POU6F2: variants seen among roughly 807,000 people sequenced by gnomAD.
POU6F2 encodes the protein POU class 6 homeobox 2.
POU6F2 carries 31 observed loss-of-function variants against 71.3 expected under a neutral mutation model. The ratio of observed to expected loss-of-function variants is 0.43; its 90% CI spans 0.33 to 0.59. POU6F2 has a LOEUF of 0.59. POU6F2 is among the 20% of genes least tolerant of loss of function. POU6F2 has a pLI of 0.04. For missense variants in POU6F2, 783 were observed against 856.8 expected (o/e 0.91, Z 1.07); for synonymous variants, 347 against 355.7 (o/e 0.98, Z 0.27).
intron 1 of POU6F2, among the ~76,000 whole-genome samples, chr7:38,983,469 T>C (rs1487001422): frequency 6.6e-6 from 1 of 151,912 alleles, no homozygotes; most frequent in Non-Finnish European, 1.5e-5. Flanking sequence ...TGTTAGCCTA[T>C]GTAAATTGCT....
intron 4 of POU6F2, among the ~76,000 whole-genome samples, chr7:39,211,425 C>T (rs1794141053): frequency 6.6e-6 from 1 of 152,162 alleles, no homozygotes; most frequent in African/African-American, 2.4e-5. Flanking sequence ...TCCTCAAGAC[C>T]AAGGGAAGTT....
chr7:39,046,911 T>G (rs1382382938), intron 1 of POU6F2, among the ~76,000 whole-genome samples: 4 of 151,922 alleles, frequency 2.6e-5, no homozygotes, highest in Non-Finnish European at 5.9e-5. Context: ...TCTTTTTTTC[T>G]TTCATATGAA....
At position 39,451,527 on chromosome 7, in the gene POU6F2, A is replaced by C. The variant is rs1788660147; in HGVS notation, c.1321-6A>C. Reference sequence around the variant, plus strand: ...TTGTGTATTTTTTTTACATCCCCTCATGTAGCTCCACCAACCCTCCCAGAC... The same window carrying C: ...TTGTGTATTTTTTTTACATCCCCTCCTGTAGCTCCACCAACCCTCCCAGAC... On this transcript the variant is annotated splice_polypyrimidine_tract_variant and splice_region_variant and intron_variant, in intron 7 of 9. Transcript: ENST00000518318. 3 of 1,609,410 alleles carry C rather than the reference A, an allele frequency of 1.9e-6. No homozygotes were observed. The highest frequency in any genetic ancestry group is 2.5e-6 in the Non-Finnish European group (3 of 1,176,982).
At chr7:39,044,325 A>G (rs887340176) in intron 1 of POU6F2, among the ~76,000 whole-genome samples, 2 of 151,980 alleles carry the variant, frequency 1.3e-5, no homozygotes, top group African/African-American at 2.4e-5. Context: ...TTTAAGACAC[A>G]TTACATTCAA....
At chr7:39,409,541 C>T (rs1475630012) in intron 6 of POU6F2, among the ~76,000 whole-genome samples, 1 of 152,204 alleles carries the variant, frequency 6.6e-6, no homozygotes, top group Non-Finnish European at 1.5e-5. Flanking sequence ...CCTACCTAAG[C>T]CATAGTTTCA....
At chr7:39,396,534 C>G (rs1787177967) in intron 5 of POU6F2, among the ~76,000 whole-genome samples, 1 of 152,176 alleles carries the variant, frequency 6.6e-6, no homozygotes, top group African/African-American at 2.4e-5. Flanking sequence ...CACAAGTGCT[C>G]ATGGAGAGTC....
At chr7:39,289,144 C>T (rs767558790) in intron 4 of POU6F2, among the ~76,000 whole-genome samples, 9 of 152,144 alleles carry the variant, frequency 5.9e-5, no homozygotes, top group Non-Finnish European at 1.0e-4. Context: ...TCATTGGTTC[C>T]TCCTCCCAGC....
intron 5 of POU6F2, chr7:39,373,518 G>A (rs550752830): frequency 1.5e-5 from 7 of 456,662 alleles, no homozygotes; most frequent in African/African-American, 4.0e-5. Flanking sequence ...GGAGAAAGGT[G>A]GATGGAAGAA....
chr7:39,211,201 G>A (rs1794136741), intron 4 of POU6F2, among the ~76,000 whole-genome samples: 1 of 152,080 alleles, frequency 6.6e-6, no homozygotes, highest in Non-Finnish European at 1.5e-5. Flanking sequence ...TAAAAACTTG[G>A]TGGGTTGGGA....
chr7:39,193,224 G>A (rs1029804653), intron 2 of POU6F2, among the ~76,000 whole-genome samples: 2 of 152,168 alleles, frequency 1.3e-5, no homozygotes, highest in Middle Eastern at 3.4e-3. Context: ...ATTGCGGGGG[G>A]TGCTTATTTC....
At chr7:39,380,873 C>T (rs770293745) in intron 5 of POU6F2, among the ~76,000 whole-genome samples, 1 of 152,110 alleles carries the variant, frequency 6.6e-6, no homozygotes, top group Non-Finnish European at 1.5e-5. Context: ...AAATTCTACT[C>T]GTGCTCACCC....
In POU6F2 at chr7:39,237,615, C is replaced by A. The variant is rs187690593; in HGVS notation, c.598+29995C>A. Among the ~76,000 whole-genome samples the A allele has an allele frequency of 1.6e-3, 238 of 152,120 alleles. 1 individual carries two copies. The highest frequency in any genetic ancestry group is 5.4e-3 in the African/African-American group (225 of 41,492). ...GTAGAAAGGTGTCCATAGATGGAGG[C>A]CTGGACATTTTTATCCATATAGGAC... On this transcript the variant is annotated intron_variant, in intron 4 of 9. Transcript: ENST00000518318.
intron 6 of POU6F2, among the ~76,000 whole-genome samples, chr7:39,413,274 A>G (rs929154423): frequency 3.3e-5 from 5 of 152,214 alleles, no homozygotes; most frequent in Non-Finnish European, 7.3e-5. Flanking sequence ...GGTGATTACC[A>G]TGATAAAATG....
chr7:39,342,523 C>A (rs1371067036), intron 5 of POU6F2, among the ~76,000 whole-genome samples: 2 of 152,044 alleles, frequency 1.3e-5, no homozygotes, highest in East Asian at 3.9e-4. Flanking sequence ...TTACATTATT[C>A]AAAAATCTGC....
At chr7:38,992,720 A>G (rs1788636704) in intron 1 of POU6F2, among the ~76,000 whole-genome samples, 1 of 152,212 alleles carries the variant, frequency 6.6e-6, no homozygotes, top group South Asian at 2.1e-4. Context: ...CGGCAAAAAC[A>G]AATCTGAACT....
chr7:39,223,994 TTTTG>T (rs762490973), intron 4 of POU6F2, among the ~76,000 whole-genome samples: 1 of 152,306 alleles, frequency 6.6e-6, no homozygotes, highest in East Asian at 1.9e-4. Flanking sequence ...CAATAGATGA[TTTTG>T]TTTAAGTCAA....
At chr7:39,405,662 A>G (rs1350632744) in intron 5 of POU6F2, among the ~76,000 whole-genome samples, 2 of 152,358 alleles carry the variant, frequency 1.3e-5, no homozygotes, top group East Asian at 3.9e-4. Context: ...TTGAATTTAT[A>G]TCTAGTCATT....
intron 5 of POU6F2, among the ~76,000 whole-genome samples, chr7:39,369,721 T>A (rs934642491): frequency 6.6e-6 from 1 of 152,124 alleles, no homozygotes; most frequent in Admixed American, 6.5e-5. Flanking sequence ...TCTTGCTCTG[T>A]CATCCAGGCT....
chr7:39,238,776 G>A (rs1794722684), intron 4 of POU6F2, among the ~76,000 whole-genome samples: 1 of 152,110 alleles, frequency 6.6e-6, no homozygotes. Context: ...GCTCCAAATT[G>A]GAATCAATTC....
Sources: gnomAD v4.1 joint callset for allele counts (sites outside exome capture counted in the v4.1 genomes callset) on GRCh38, gnomAD v4.1.1 for gene constraint, MANE v1.5 for transcripts, NCBI Gene and HGNC (gene_info 2026-07-23, HGNC 2026-07-21) for gene names.